OTUD7A: variants seen among roughly 807,000 people sequenced by gnomAD.
The protein encoded by OTUD7A is OTU domain-containing protein 7A.
OTUD7A carries 12 observed loss-of-function variants against 65.7 expected under a neutral mutation model. The observed-to-expected ratio is 0.18, with a 90% CI of 0.12 to 0.30. The LOEUF (loss-of-function observed/expected upper bound fraction) is 0.30. Among genes scored for constraint, OTUD7A ranks in the 10% least tolerant of loss-of-function variants. The pLI, the probability that OTUD7A is intolerant of heterozygous loss-of-function variation, is 1.00. For synonymous variants in OTUD7A, 641 were observed against 586.3 expected (o/e 1.09, Z -1.35); for missense variants, 1,148 against 1,304.8 (o/e 0.88, Z 1.85).
intron 1 of OTUD7A, among the ~76,000 whole-genome samples, chr15:31,702,578 A>C (rs1353224997): frequency 2.0e-5 from 3 of 151,428 alleles, no homozygotes; most frequent in African/African-American, 7.3e-5. Flanking sequence ...GAACACCATA[A>C]AACATTAAAG....
At position 31,483,968 on chromosome 15, in the gene OTUD7A, C is replaced by G. The variant is rs1429645132; in HGVS notation, c.2128G>C (p.Val710Leu). Residue 710 changes from valine to leucine, a missense_variant, in exon 13 of 13, where the codon GTG becomes CTG. Around this residue, in one of 6 missense-constraint regions of OTUD7A, gnomAD observed 842 missense variants for 769.5 expected, o/e 1.09. Coordinates refer to ENST00000307050, the MANE Select transcript of OTUD7A (RefSeq NM_001382637.1). ...RPPRRPETEG[V>L]PVPERASPGP... is the part of the protein sequence containing the mutation. ...GGAGAGGCGCGCTCCGGGACCGGCA[C>G]GCCCTCCGTCTCCGGTCTGCGCGGC... 1 of 1,139,764 alleles carries G rather than the reference C, an allele frequency of 8.8e-7. No individual in the cohort carries two copies. Among genetic ancestry groups the G allele is most frequent in the South Asian group, 2.7e-5 (1 of 37,158 alleles). 70.6% of individuals were successfully genotyped at this position (1,139,764 alleles called of 1,614,324 possible).
At chr15:31,870,365 C>A in intron 1 of OTUD7A, 142 bp downstream of exon 1, 2 of 146,714 alleles carry the variant, frequency 1.4e-5, no homozygotes, top group South Asian at 3.8e-4. Context: ...GCCCCGCGGT[C>A]GCCCGGCCTC....
intron 1 of OTUD7A, among the ~76,000 whole-genome samples, chr15:31,695,918 T>C (rs1385961826): frequency 2.6e-5 from 4 of 151,550 alleles, no homozygotes; most frequent in African/African-American, 9.7e-5. Context: ...AGGCAGGCAT[T>C]GCTAACTTCT....
At chr15:31,488,499 G>A (rs1300605644) in intron 10 of OTUD7A, among the ~76,000 whole-genome samples, 1 of 152,100 alleles carries the variant, frequency 6.6e-6, no homozygotes, top group Non-Finnish European at 1.5e-5. Context: ...ACTGGGAGAT[G>A]GTCTCCCCAA....
chr15:31,636,229 T>C lies in OTUD7A; in HGVS notation c.151+18867A>G, dbSNP rs371998547. On this transcript the variant is annotated intron_variant, in intron 3 of 12. Transcript: ENST00000307050. ...TATTGGCATCATTTTTCAAACAGCA[T>C]GCACTCACTGTGCATCTCTGTGTCA... Among the ~76,000 whole-genome samples, 5 of 152,326 alleles carry C rather than the reference T, an allele frequency of 3.3e-5. No homozygotes were observed. In the East Asian group the frequency reaches 7.7e-4, roughly 23 times the overall value.
intron 1 of OTUD7A, among the ~76,000 whole-genome samples, chr15:31,821,890 T>C (rs1211717639): frequency 6.6e-6 from 1 of 152,248 alleles, no homozygotes; most frequent in Admixed American, 6.5e-5. Context: ...TTCATGTGTT[T>C]ACTGGCCATT....
Position 31,559,304 on chromosome 15 carries a change from C to G in OTUD7A, c.332-117G>C, listed in dbSNP as rs140420328. On this transcript the variant is annotated intron_variant, in intron 4 of 12. Coordinates refer to ENST00000307050, the MANE Select transcript of OTUD7A (RefSeq NM_001382637.1). Reference sequence around the variant, plus strand: ...ACACACACACAGGTACACATTCATGCACACAGACCACACACATGCACATAC... The same window carrying G: ...ACACACACACAGGTACACATTCATGGACACAGACCACACACATGCACATAC... 668 of 908,416 alleles carry G rather than the reference C, an allele frequency of 7.4e-4. 7 individuals are homozygous for G. The African/African-American group carries it at 0.01, about 14-fold the overall frequency. The allele number at this position is 908,416 out of a possible 1,614,324, so 56.3% of individuals were successfully genotyped here.
rs887681993 is a variant in OTUD7A, at chr15:31,834,752, A to C, written c.-100+35755T>G. ...ATAGATAAACGCTGTGTCTGCTTCTATATCTGACCCAGGAAGTATGTAAAA... is the reference window on the plus strand; with the variant it reads ...ATAGATAAACGCTGTGTCTGCTTCTCTATCTGACCCAGGAAGTATGTAAAA... On this transcript the variant is annotated intron_variant, in intron 1 of 12. Transcript: ENST00000307050. 2.6e-5 allele frequency among the ~76,000 whole-genome samples: 4 copies of C among 152,228 alleles called. No homozygotes were observed. The East Asian group carries it at 7.7e-4, about 29-fold the overall frequency.
chr15:31,737,238 G>A (rs1024000017), intron 1 of OTUD7A, among the ~76,000 whole-genome samples: 12 of 151,966 alleles, frequency 7.9e-5, no homozygotes, highest in African/African-American at 2.4e-4. Flanking sequence ...TAGAAAAATC[G>A]TTGAAACACA....
intron 3 of OTUD7A, among the ~76,000 whole-genome samples, chr15:31,603,542 T>G (rs1890145288): frequency 6.6e-6 from 1 of 152,128 alleles, no homozygotes. Context: ...GGGCAAAGAC[T>G]TCAGGTCTAA....
intron 1 of OTUD7A, among the ~76,000 whole-genome samples, chr15:31,821,171 C>G (rs1252749265): frequency 8.0e-6 from 1 of 125,684 alleles, no homozygotes; most frequent in Non-Finnish European, 1.6e-5. Flanking sequence ...GAGTCTTGCT[C>G]TGTCACCAGG....
At chr15:31,804,651 C>A (rs920948845) in intron 1 of OTUD7A, among the ~76,000 whole-genome samples, 9 of 152,110 alleles carry the variant, frequency 5.9e-5, no homozygotes, top group African/African-American at 2.2e-4. Context: ...AGGGGTGGGG[C>A]AGGGATGGCC....
At chr15:31,579,301 C>T (rs1889300492) in intron 3 of OTUD7A, among the ~76,000 whole-genome samples, 1 of 152,178 alleles carries the variant, frequency 6.6e-6, no homozygotes, top group East Asian at 1.9e-4. Flanking sequence ...AAGTCAGGAA[C>T]TTTCACCTTT....
intron 1 of OTUD7A, among the ~76,000 whole-genome samples, chr15:31,661,773 C>T (rs1369310699): frequency 1.3e-5 from 2 of 152,206 alleles, no homozygotes; most frequent in Non-Finnish European, 2.9e-5. Flanking sequence ...CCAATGATAT[C>T]AAATGTTGTA....
At chr15:31,585,019 A>T (rs573208378) in intron 3 of OTUD7A, among the ~76,000 whole-genome samples, 1 of 152,278 alleles carries the variant, frequency 6.6e-6, no homozygotes, top group African/African-American at 2.4e-5. Context: ...AAAACTCAAG[A>T]TGGGTTTGGT....
chr15:31,850,945 C>G (rs939892997), intron 1 of OTUD7A, among the ~76,000 whole-genome samples: 3 of 152,154 alleles, frequency 2.0e-5, no homozygotes, highest in African/African-American at 7.2e-5. Context: ...GACACAGAAA[C>G]AGCAGAACCA....
At chr15:31,723,333 T>C (rs374586956) in intron 1 of OTUD7A, among the ~76,000 whole-genome samples, 3 of 151,350 alleles carry the variant, frequency 2.0e-5, no homozygotes, top group African/African-American at 7.3e-5. Context: ...TGGGGCACAA[T>C]TGCCCTGCCG....
At position 31,702,933 on chromosome 15, in the gene OTUD7A, G is replaced by A. The variant is rs571425449; in HGVS notation, c.-99-45856C>T. Among the ~76,000 whole-genome samples, 84 of 151,822 alleles carry A rather than the reference G, an allele frequency of 5.5e-4. 1 individual carries two copies. The highest frequency in any genetic ancestry group is 1.7e-3 in the African/African-American group (70 of 41,444). ...ATTGAAGGAACAGAATAGAGAACCC[G>A]GAACTGATTTTTGACAGAGGTGAAA... On this transcript the variant is annotated intron_variant, in intron 1 of 12. Coordinates refer to ENST00000307050, the MANE Select transcript of OTUD7A (RefSeq NM_001382637.1).
intron 10 of OTUD7A, among the ~76,000 whole-genome samples, chr15:31,500,756 C>G (rs563140129): frequency 5.9e-5 from 9 of 152,262 alleles, no homozygotes; most frequent in Non-Finnish European, 1.0e-4. Context: ...TTCCTTCCCC[C>G]TGTTGGCCCT....
Sources: gnomAD v4.1 joint callset for allele counts (sites outside exome capture counted in the v4.1 genomes callset) on GRCh38, gnomAD v4.1.1 for gene constraint, gnomAD v4.1.1 regional missense constraint, MANE v1.5 for transcripts, NCBI Gene and HGNC (gene_info 2026-07-23, HGNC 2026-07-21) for gene names.